The following PRR5L variants were observed in gnomAD, a reference collection of about 807,000 sequenced individuals.
PRR5L encodes the protein proline-rich protein 5-like.
In PRR5L, 21 loss-of-function variants were observed where a neutral mutation model predicts 36.4. The observed-to-expected ratio is 0.58, with a 90% CI of 0.41 to 0.83. PRR5L has a LOEUF of 0.83. Ranked by LOEUF, PRR5L falls within the 40% of genes least tolerant of loss-of-function variation. The pLI is 0.00. For synonymous variants in PRR5L, 188 were observed against 197.0 expected (o/e 0.95, Z 0.38); for missense variants, 381 against 473.3 (o/e 0.80, Z 1.81).
intron 1 of PRR5L, among the ~76,000 whole-genome samples, chr11:36,361,357 G>T (rs1192000047): frequency 1.3e-5 from 2 of 152,088 alleles, no homozygotes; most frequent in African/African-American, 4.8e-5. Flanking sequence ...GGAAAATATA[G>T]CTATTTTTCA....
At chr11:36,423,918 C>T (rs548325030) in intron 4 of PRR5L, among the ~76,000 whole-genome samples, 6 of 152,258 alleles carry the variant, frequency 3.9e-5, no homozygotes, top group African/African-American at 7.2e-5. Flanking sequence ...CTGGGGGCTT[C>T]GAGAAGCACC....
chr11:36,309,175 G>A (rs1856468498), intron 1 of PRR5L, among the ~76,000 whole-genome samples: 1 of 152,188 alleles, frequency 6.6e-6, no homozygotes, highest in African/African-American at 2.4e-5. Flanking sequence ...AAGACTTGGA[G>A]TTGTTTTGGT....
At chr11:36,349,511 C>T (rs1311503582) in intron 1 of PRR5L, among the ~76,000 whole-genome samples, 2 of 152,032 alleles carry the variant, frequency 1.3e-5, no homozygotes, top group Admixed American at 1.3e-4. Flanking sequence ...GGCCAAGTAT[C>T]CCGCTTCCTT....
chr11:36,305,794 C>G (rs1856424234), intron 1 of PRR5L, among the ~76,000 whole-genome samples: 1 of 152,142 alleles, frequency 6.6e-6, no homozygotes, highest in African/African-American at 2.4e-5. Context: ...CTAGGACTTC[C>G]CAGCCTCCAA....
chr11:36,376,595 A>C, intron 1 of PRR5L: 1 of 990,058 alleles, frequency 1.0e-6, no homozygotes, highest in Non-Finnish European at 1.2e-6. Flanking sequence ...CCGGTGAGAA[A>C]ACTTCCTCGG....
At chr11:36,317,450 C>G (rs1278882258) in intron 1 of PRR5L, among the ~76,000 whole-genome samples, 1 of 152,192 alleles carries the variant, frequency 6.6e-6, no homozygotes, top group African/African-American at 2.4e-5. Flanking sequence ...GATAGTGTGT[C>G]TGTATACTGT....
At chr11:36,334,178 G>A (rs370499155) in intron 1 of PRR5L, among the ~76,000 whole-genome samples, 5 of 152,308 alleles carry the variant, frequency 3.3e-5, no homozygotes, top group Admixed American at 6.5e-5. Flanking sequence ...TGCAAAGGAG[G>A]CTGGGAAATG....
At chr11:36,428,908 C>A (rs1298101981) in intron 4 of PRR5L, among the ~76,000 whole-genome samples, 2 of 151,912 alleles carry the variant, frequency 1.3e-5, no homozygotes, top group Non-Finnish European at 1.5e-5. Context: ...CTTAAGACCC[C>A]TTCTAACCTC....
At chr11:36,435,289 G>A (rs1040427176) in intron 5 of PRR5L, among the ~76,000 whole-genome samples, 1 of 152,066 alleles carries the variant, frequency 6.6e-6, no homozygotes, top group Non-Finnish European at 1.5e-5. Flanking sequence ...TCTACTATGA[G>A]CCAGTACTTT....
chr11:36,333,329 C>A (rs934650005), intron 1 of PRR5L, among the ~76,000 whole-genome samples: 7 of 152,112 alleles, frequency 4.6e-5, no homozygotes, highest in African/African-American at 1.4e-4. Context: ...TGGCTGTTTC[C>A]CATATTGCTA....
intron 8 of PRR5L, among the ~76,000 whole-genome samples, chr11:36,453,169 C>T (rs1041841685): frequency 2.0e-5 from 3 of 152,196 alleles, no homozygotes; most frequent in Non-Finnish European, 4.4e-5. Context: ...CCTTTGCTCT[C>T]CCTGGTAGAA....
chr11:36,419,864 G>A (rs1858225578), intron 4 of PRR5L, among the ~76,000 whole-genome samples: 1 of 152,158 alleles, frequency 6.6e-6, no homozygotes, highest in South Asian at 2.1e-4. Flanking sequence ...TAGTATTACC[G>A]AGAAAATAGT....
At chr11:36,325,264 C>T (rs1266358634) in intron 1 of PRR5L, among the ~76,000 whole-genome samples, 9 of 152,204 alleles carry the variant, frequency 5.9e-5, no homozygotes, top group South Asian at 2.1e-4. Flanking sequence ...GCCTTTAGCC[C>T]GATTTGGAGC....
chr11:36,306,077 A>G (rs935916753), intron 1 of PRR5L, among the ~76,000 whole-genome samples: 4 of 152,052 alleles, frequency 2.6e-5, no homozygotes, highest in Non-Finnish European at 4.4e-5. Context: ...ATAGTACTCC[A>G]TTATGTATAT....
chr11:36,425,289 A>G (rs1858357419), intron 4 of PRR5L, among the ~76,000 whole-genome samples: 2 of 152,196 alleles, frequency 1.3e-5, no homozygotes, highest in African/African-American at 4.8e-5. Flanking sequence ...AGGCTCAGAG[A>G]TGGGGGTTAT....
intron 1 of PRR5L, among the ~76,000 whole-genome samples, chr11:36,355,759 C>T (rs867581885): frequency 2.0e-5 from 3 of 151,746 alleles, no homozygotes; most frequent in Middle Eastern, 3.4e-3. Flanking sequence ...AATAGGGTTT[C>T]ACCATGTTGG....
At chr11:36,460,993 A>G (rs1003633080) in intron 8 of PRR5L, among the ~76,000 whole-genome samples, 1 of 152,142 alleles carries the variant, frequency 6.6e-6, no homozygotes, top group Non-Finnish European at 1.5e-5. Flanking sequence ...CAAGTTTCCT[A>G]TCTCCAGATG....
intron 1 of PRR5L, among the ~76,000 whole-genome samples, chr11:36,299,175 G>T (rs1856346480): frequency 7.3e-6 from 1 of 137,512 alleles, no homozygotes; most frequent in African/African-American, 2.6e-5. Flanking sequence ...TACATCTCTG[G>T]CTTATGGAAA....
At chr11:36,302,161 C>A (rs1358318127) in intron 1 of PRR5L, among the ~76,000 whole-genome samples, 2 of 152,022 alleles carry the variant, frequency 1.3e-5, no homozygotes, top group African/African-American at 4.8e-5. Flanking sequence ...GTAAGGGTAC[C>A]ACAGGAACAC....
Sources: allele counts gnomAD v4.1 joint callset (sites outside exome capture counted in the v4.1 genomes callset), GRCh38; gene constraint gnomAD v4.1.1; transcripts MANE v1.5; gene names NCBI Gene and HGNC (gene_info 2026-07-23, HGNC 2026-07-21).